MMACHC: variants seen among roughly 807,000 people sequenced by gnomAD.
MMACHC encodes metabolism of cobalamin associated C.
MMACHC carries 14 observed loss-of-function variants against 17.6 expected under a neutral mutation model. The observed-to-expected ratio is 0.80, with a 90% CI of 0.53 to 1.25. The LOEUF (loss-of-function observed/expected upper bound fraction) is 1.25. Among genes scored for constraint, MMACHC ranks in the 50% most tolerant of loss-of-function variants. The pLI is 0.00. For synonymous variants in MMACHC, 151 were observed against 142.1 expected (o/e 1.06, Z -0.45); for missense variants, 392 against 364.5 (o/e 1.08, Z -0.62).
intron 3 of MMACHC, 65 bp downstream of exon 3, chr1:45,508,429 A>G: frequency 6.4e-7 from 1 of 1,572,284 alleles, no homozygotes; most frequent in Middle Eastern, 1.8e-4. Flanking sequence ...ACCAGGTCCC[A>G]CATTCCTCAG....
chr1:45,511,311 A>G lies in MMACHC; in HGVS notation c.*2096A>G, dbSNP rs1217463402. 6.3e-7 allele frequency: 1 copy of G among 1,591,462 alleles called. No individual in the cohort carries two copies. Among genetic ancestry groups the G allele is most frequent in the Non-Finnish European group, 8.6e-7 (1 of 1,167,516 alleles). On this transcript the variant is annotated 3_prime_UTR_variant, in exon 4 of 4. Transcript: ENST00000401061. ...TCATGGCTGCCCACCGCAGCCTGGC[A>G]CTAAAACAGCCCAGCGCTCACTTCT...
intron 2 of MMACHC, 76 bp downstream of exon 2, chr1:45,507,626 T>G: frequency 6.6e-7 from 1 of 1,523,216 alleles, no homozygotes; most frequent in Admixed American, 1.8e-5. Context: ...ATGCAGGATC[T>G]AGACCTAGGG....
chr1:45,508,833 G>A lies in MMACHC; in HGVS notation c.467G>A (p.Gly156Asp), dbSNP rs1553162910. 1.2e-6 allele frequency: 2 copies of A among 1,614,150 alleles called. No homozygotes were observed. Among genetic ancestry groups the A allele is most frequent in the Admixed American group, 3.3e-5 (2 of 60,004 alleles). Residue 156 changes from glycine to aspartate, a missense_variant, in exon 4 of 4, where the codon GGC (glycine) becomes GAC (aspartate). Transcript: ENST00000401061. The stretch of plus-strand genomic sequence containing the variant: ...GTGTGCATACACCCCCGATTTGGGG[G>A]CTGGTTTGCCATCCGAGGGGTAGTG... ...SGVCIHPRFG[G>D]WFAIRGVVLL...
rs1014775867 is a variant in MMACHC at position 45,511,747 on chromosome 1, A to G, written c.*2532A>G. On this transcript the variant is annotated 3_prime_UTR_variant, in exon 4 of 4. Transcript: ENST00000401061. The stretch of plus-strand genomic sequence containing the variant: ...CTAAATAAACGACACACATAGGACT[A>G]TGTAAACCCTTAACACTAAACTGTT... 10 of 185,682 alleles carry G rather than the reference A, an allele frequency of 5.4e-5. No homozygotes were observed. Among genetic ancestry groups the G allele is most frequent in the African/African-American group, 1.2e-4 (5 of 42,566 alleles). The allele number at this position is 185,682 out of a possible 1,614,324, so 11.5% of individuals were successfully genotyped here.
At position 45,507,431 on chromosome 1, in the gene MMACHC, C is replaced by T. The variant is rs201507059; in HGVS notation, c.157C>T (p.Leu53Phe). The T allele has an allele frequency of 5.4e-5, 87 of 1,614,168 alleles. 1 individual carries two copies. In the South Asian group the frequency reaches 9.4e-4, roughly 18 times the overall value. ...AGGACCTACCCTGGCCTTCCTGGTA[C>T]TCAGCACGCCTGCCATGTTTGACCG... ...LPGPTLAFLV[L>F]STPAMFDRAL... The change falls in exon 2 of 4, where the codon CTC becomes TTC. Residue 53 changes from leucine to phenylalanine, a missense_variant. Transcript: ENST00000401061.
In MMACHC at chr1:45,512,362, C is replaced by G. The variant is rs147887168; in HGVS notation, c.*3147C>G. The G allele has an allele frequency of 2.0e-5, 3 of 151,332 alleles. No individual in the cohort carries two copies. The highest frequency in any genetic ancestry group is 2.9e-5 in the Non-Finnish European group (2 of 67,984). The allele number at this position is 151,332 out of a possible 1,614,324, so 9.4% of individuals were successfully genotyped here. ...ATGCCATTCTCCTGCCTCAGCCTCC[C>G]GAGTAGCTGGGACTATACAAAAATA... On this transcript the variant is annotated 3_prime_UTR_variant, in exon 4 of 4. Coordinates refer to ENST00000401061, the MANE Select transcript of MMACHC (RefSeq NM_015506.3).
chr1:45,503,431 CTTTTTTTTTTT>C (rs10607418), intron 1 of MMACHC, among the ~76,000 whole-genome samples: 1 of 77,032 alleles, frequency 1.3e-5, no homozygotes, highest in Non-Finnish European at 2.2e-5. Context: ...TAACTCTCTG[CTTTTTTTTTTT>C]TTTTTTTTTT....
In MMACHC at chr1:45,511,840, AC is replaced by A. The variant is rs1015725709; in HGVS notation, c.*2627del. 3 of 153,410 alleles carry A rather than the reference AC, an allele frequency of 2.0e-5. No homozygotes were observed. Among genetic ancestry groups the A allele is most frequent in the African/African-American group, 7.2e-5 (3 of 41,490 alleles). 9.5% of individuals were successfully genotyped at this position (153,410 alleles called of 1,614,324 possible). ...GCCTTCTCAGCATTCTTCTAACTCT[AC>A]CAAACTGGATAGCCTGAACCTTATA... On this transcript the variant is annotated 3_prime_UTR_variant, in exon 4 of 4. Coordinates refer to ENST00000401061, the MANE Select transcript of MMACHC (RefSeq NM_015506.3).
chr1:45,506,391 TTGAC>T (rs1643620381), intron 1 of MMACHC, among the ~76,000 whole-genome samples: 1 of 152,206 alleles, frequency 6.6e-6, no homozygotes, highest in Admixed American at 6.5e-5. Context: ...GACAGCCACT[TTGAC>T]TGTTCCTATG....
At chr1:45,506,938 TG>T (rs1245388711) in intron 1 of MMACHC, among the ~76,000 whole-genome samples, 1 of 151,660 alleles carries the variant, frequency 6.6e-6, no homozygotes, top group Non-Finnish European at 1.5e-5. Flanking sequence ...CCGAGGCAGG[TG>T]GGTCCTAGCT....
chr1:45,512,558 A>T lies in MMACHC; in HGVS notation c.*3343A>T, dbSNP rs1294123848. ...CAAAAAAAAAAAGTGTTTGGCATTC[A>T]TTGGCTCTTAAATGGTACCTATTTA... On this transcript the variant is annotated 3_prime_UTR_variant, in exon 4 of 4. Transcript: ENST00000401061. The T allele has an allele frequency of 6.6e-6, 1 of 151,678 alleles. No individual in the cohort carries two copies. Among genetic ancestry groups the T allele is most frequent in the Non-Finnish European group, 1.5e-5 (1 of 67,950 alleles). The allele number at this position is 151,678 out of a possible 1,614,324, so 9.4% of individuals were successfully genotyped here. A position where few individuals can be genotyped will look rare whatever the true frequency, so the allele number is the denominator to read the frequency against.
At chr1:45,507,820 C>T (rs1413819239) in intron 2 of MMACHC, among the ~76,000 whole-genome samples, 1 of 152,178 alleles carries the variant, frequency 6.6e-6, no homozygotes, top group Non-Finnish European at 1.5e-5. Flanking sequence ...CCAGGTTTTC[C>T]TTGGCCTCCA....
chr1:45,509,571 CCTGG>C lies in MMACHC; in HGVS notation c.*359_*362del. The C allele has an allele frequency of 4.9e-6, 1 of 205,382 alleles. No individual in the cohort carries two copies. The highest frequency in any genetic ancestry group is 9.7e-6 in the Non-Finnish European group (1 of 103,240). 12.7% of individuals were successfully genotyped at this position (205,382 alleles called of 1,614,324 possible). On this transcript the variant is annotated 3_prime_UTR_variant, in exon 4 of 4. Coordinates refer to ENST00000401061, the MANE Select transcript of MMACHC (RefSeq NM_015506.3). ...GGGATGACAGGTGCCTGCCACTACA[CCTGG>C]CTAATTTTTTGTATTTTTAGTAGAG...
In MMACHC at chr1:45,508,686, T is replaced by C. The variant is rs1244050305; in HGVS notation, c.430-110T>C. On this transcript the variant is annotated intron_variant, in intron 3 of 3. Coordinates refer to ENST00000401061, the MANE Select transcript of MMACHC (RefSeq NM_015506.3). ...GCCAAGAAAAGGACAGAGGTTTATG[T>C]AGTCAGTGTACACTGAGTGGGAAGT... is the stretch of plus-strand genomic sequence containing the variant. 4.3e-5 allele frequency: 53 copies of C among 1,228,822 alleles called. No homozygotes were observed. The East Asian group carries it at 1.3e-3, about 30-fold the overall frequency. 76.1% of individuals were successfully genotyped at this position (1,228,822 alleles called of 1,614,324 possible). A position where few individuals can be genotyped will look rare whatever the true frequency, so the allele number is the denominator to read the frequency against.
chr1:45,507,075 A>T (rs1252288147), intron 1 of MMACHC, among the ~76,000 whole-genome samples: 1 of 152,254 alleles, frequency 6.6e-6, no homozygotes, highest in South Asian at 2.1e-4. Context: ...CTGAGGCATG[A>T]GAATCACTTG....
intron 1 of MMACHC, among the ~76,000 whole-genome samples, chr1:45,504,094 C>T (rs1011551390): frequency 2.0e-5 from 3 of 152,182 alleles, no homozygotes; most frequent in African/African-American, 7.2e-5. Flanking sequence ...CACATATTTG[C>T]TTTGCTGATT....
In MMACHC at chr1:45,512,076, T is replaced by C. The variant is rs1475254973; in HGVS notation, c.*2861T>C. 2.2e-5 allele frequency: 3 copies of C among 134,116 alleles called. No homozygotes were observed. The highest frequency in any genetic ancestry group is 3.2e-5 in the Non-Finnish European group (2 of 62,726). The allele number at this position is 134,116 out of a possible 1,614,324, so 8.3% of individuals were successfully genotyped here. A position where few individuals can be genotyped will look rare whatever the true frequency, so the allele number is the denominator to read the frequency against. On this transcript the variant is annotated 3_prime_UTR_variant, in exon 4 of 4. Coordinates refer to ENST00000401061, the MANE Select transcript of MMACHC (RefSeq NM_015506.3). ...GACTAATCTCTTATTTTTCTTTTTTTTTTTTTTTTTTTTTTTTTTTGAGAT... is the reference window on the plus strand; with the variant it reads ...GACTAATCTCTTATTTTTCTTTTTTCTTTTTTTTTTTTTTTTTTTTGAGAT...
At position 45,509,399 on chromosome 1, in the gene MMACHC, C is replaced by T; in HGVS notation, c.*184C>T. ...ATAAAGGCCAGGGAACCAGAATTCCCATCTGCCTTCAAATGAGTTTTTTTT... is the reference window on the plus strand; with the variant it reads ...ATAAAGGCCAGGGAACCAGAATTCCTATCTGCCTTCAAATGAGTTTTTTTT... On this transcript the variant is annotated 3_prime_UTR_variant, in exon 4 of 4. Coordinates refer to ENST00000401061, the MANE Select transcript of MMACHC (RefSeq NM_015506.3). The T allele has an allele frequency of 1.6e-6, 1 of 617,036 alleles. No homozygotes were observed. 38.2% of individuals were successfully genotyped at this position (617,036 alleles called of 1,614,324 possible).
At position 45,510,128 on chromosome 1, in the gene MMACHC, T is replaced by TC. The variant is rs1319544352; in HGVS notation, c.*913_*914insC. The TC allele has an allele frequency of 2.0e-5, 3 of 151,356 alleles. No individual in the cohort carries two copies. Among genetic ancestry groups the TC allele is most frequent in the Non-Finnish European group, 4.4e-5 (3 of 67,914 alleles). The allele number at this position is 151,356 out of a possible 1,614,324, so 9.4% of individuals were successfully genotyped here. On this transcript the variant is annotated 3_prime_UTR_variant, in exon 4 of 4. Coordinates refer to ENST00000401061, the MANE Select transcript of MMACHC (RefSeq NM_015506.3). Reference sequence around the variant, plus strand: ...CAGGTAGGGACTGAATAAACACGTGTAAGGCACTTTGGAAAAATACCTGGC... The same window carrying TC: ...CAGGTAGGGACTGAATAAACACGTGTCAAGGCACTTTGGAAAAATACCTGGC...
Sources: allele counts gnomAD v4.1 joint callset (sites outside exome capture counted in the v4.1 genomes callset), GRCh38; gene constraint gnomAD v4.1.1; transcripts MANE v1.5; gene names NCBI Gene and HGNC (gene_info 2026-07-23, HGNC 2026-07-21).